Variants in CEP63 observed in about 807,000 individuals in gnomAD.
CEP63 encodes centrosomal protein 63.
CEP63 carries 84 observed loss-of-function variants against 89.1 expected under a neutral mutation model. The ratio of observed to expected loss-of-function variants is 0.94; its 90% CI spans 0.79 to 1.13. CEP63 has a LOEUF of 1.13. Ranked by LOEUF, CEP63 falls within the 50% of genes most tolerant of loss-of-function variation. The pLI, the probability that CEP63 is intolerant of heterozygous loss-of-function variation, is 0.00. For missense variants in CEP63, 838 were observed against 813.3 expected (o/e 1.03, Z -0.37); for synonymous variants, 267 against 272.5 (o/e 0.98, Z 0.20).
chr3:134,555,347 A>G (rs1355954416), intron 12 of CEP63, among the ~76,000 whole-genome samples: 2 of 152,286 alleles, frequency 1.3e-5, no homozygotes, highest in East Asian at 3.9e-4. Flanking sequence ...CTCTTTGCAG[A>G]CGACATGATT....
the CEP63 span, among the ~76,000 whole-genome samples, chr3:134,594,505 A>T: frequency 6.6e-6 from 1 of 151,682 alleles, no homozygotes; most frequent in Non-Finnish European, 1.5e-5. Flanking sequence ...GAAGAACGGC[A>T]CTCCTCCCAT....
the CEP63 span, among the ~76,000 whole-genome samples, chr3:134,763,252 C>T: frequency 2.6e-5 from 4 of 152,140 alleles, no homozygotes; most frequent in South Asian, 8.3e-4. Context: ...CACAACAGGC[C>T]CCAGTGTGTG....
chr3:134,690,106 T>C, the CEP63 span, among the ~76,000 whole-genome samples: 1 of 152,238 alleles, frequency 6.6e-6, no homozygotes, highest in East Asian at 1.9e-4. Flanking sequence ...CACAAATCTT[T>C]CTATGTAATA....
At chr3:134,529,432 C>G (rs1195019812) in intron 3 of CEP63, among the ~76,000 whole-genome samples, 4 of 149,660 alleles carry the variant, frequency 2.7e-5, no homozygotes, top group Non-Finnish European at 4.4e-5. Context: ...CCTCCACCTC[C>G]TGGGTTCAAG....
intron 2 of CEP63, among the ~76,000 whole-genome samples, chr3:134,504,764 C>A (rs1385063892): frequency 6.6e-6 from 1 of 152,084 alleles, no homozygotes; most frequent in Non-Finnish European, 1.5e-5. Context: ...TTTATGGTCT[C>A]CCATATGCCA....
Position 134,564,497 on chromosome 3 carries a change from T to G in CEP63, c.*2962T>G. The G allele has an allele frequency of 1.0e-6, 1 of 985,474 alleles. No individual in the cohort carries two copies. Among genetic ancestry groups the G allele is most frequent in the Non-Finnish European group, 1.2e-6 (1 of 829,964 alleles). 61.0% of individuals were successfully genotyped at this position (985,474 alleles called of 1,614,324 possible). A position where few individuals can be genotyped will look rare whatever the true frequency, so the allele number is the denominator to read the frequency against. On this transcript the variant is annotated 3_prime_UTR_variant, in exon 15 of 15. Coordinates refer to ENST00000675561, the MANE Select transcript of CEP63 (RefSeq NM_001353108.3). ...TTTGCTATCCGCTTTGATTTCTGTC[T>G]TTCAGGGGCTAAGTCCTGCCTACAT...
At chr3:134,494,823 A>G (rs9833753) in intron 1 of CEP63, among the ~76,000 whole-genome samples, 100,188 of 152,016 alleles carry the variant, frequency 0.66, 33,414 homozygotes, top group East Asian at 0.81. Context: ...TGTCTTCAGG[A>G]GTGAGTAGGC....
At chr3:134,640,278 GA>G in the CEP63 span, among the ~76,000 whole-genome samples, 1 of 152,212 alleles carries the variant, frequency 6.6e-6, no homozygotes, top group Admixed American at 6.5e-5. Flanking sequence ...GTCCTGTATG[GA>G]AGAGACAGTA....
At chr3:134,530,977 T>C (rs1384032371) in intron 3 of CEP63, among the ~76,000 whole-genome samples, 1 of 152,196 alleles carries the variant, frequency 6.6e-6, no homozygotes, top group Non-Finnish European at 1.5e-5. Context: ...GCTGGATACT[T>C]GTGGAGGTGA....
intron 6 of CEP63, among the ~76,000 whole-genome samples, chr3:134,538,689 A>AT (rs1210706788): frequency 1.3e-5 from 2 of 151,112 alleles, no homozygotes; most frequent in Non-Finnish European, 3.0e-5. Context: ...AAGTGCTGGG[A>AT]TTACAGGTGT....
At chr3:134,690,283 A>T in the CEP63 span, among the ~76,000 whole-genome samples, 1 of 152,242 alleles carries the variant, frequency 6.6e-6, no homozygotes, top group Non-Finnish European at 1.5e-5. Context: ...TACAAAATAC[A>T]AGCCTAACTT....
At chr3:134,593,712 C>T in the CEP63 span, among the ~76,000 whole-genome samples, 2 of 152,244 alleles carry the variant, frequency 1.3e-5, no homozygotes, top group East Asian at 1.9e-4. Flanking sequence ...TTCAGTCTAA[C>T]AGGGGACCAG....
chr3:134,594,153 C>T, the CEP63 span, among the ~76,000 whole-genome samples: 2 of 152,260 alleles, frequency 1.3e-5, no homozygotes, highest in African/African-American at 4.8e-5. Context: ...GTAATCCCAC[C>T]GTCATTTTGT....
the CEP63 span, among the ~76,000 whole-genome samples, chr3:134,722,908 A>T: frequency 3.1e-4 from 47 of 152,344 alleles, no homozygotes; most frequent in African/African-American, 1.1e-3. Context: ...GGATAAAAAC[A>T]GTGGAGCAGA....
At chr3:134,644,464 A>G in the CEP63 span, among the ~76,000 whole-genome samples, 6 of 151,594 alleles carry the variant, frequency 4.0e-5, no homozygotes, top group African/African-American at 7.3e-5. Flanking sequence ...CTGCCCTTGA[A>G]CCTCTGCTTC....
intron 5 of CEP63, chr3:134,535,945 T>G (rs1950691268): frequency 6.6e-6 from 1 of 152,224 alleles, no homozygotes; most frequent in African/African-American, 2.4e-5. Flanking sequence ...CCCAGTTATC[T>G]CTCTTACCTT....
the CEP63 span, among the ~76,000 whole-genome samples, chr3:134,768,262 G>T: frequency 6.6e-6 from 1 of 152,130 alleles, no homozygotes; most frequent in Non-Finnish European, 1.5e-5. Flanking sequence ...TGGACTAAAG[G>T]CAGTGAGCCT....
intron 11 of CEP63, among the ~76,000 whole-genome samples, chr3:134,572,427 C>T (rs1035313235): frequency 2.0e-5 from 3 of 152,104 alleles, no homozygotes; most frequent in African/African-American, 7.2e-5. Flanking sequence ...CTCTTTCTAT[C>T]CCCAGTGTCT....
the CEP63 span, among the ~76,000 whole-genome samples, chr3:134,734,642 C>T: frequency 6.6e-6 from 1 of 152,124 alleles, no homozygotes; most frequent in African/African-American, 2.4e-5. Flanking sequence ...GAAAATGGCA[C>T]TCACCAATAC....
Sources: allele counts gnomAD v4.1 joint callset (sites outside exome capture counted in the v4.1 genomes callset), GRCh38; gene constraint gnomAD v4.1.1; transcripts MANE v1.5; gene names NCBI Gene and HGNC (gene_info 2026-07-23, HGNC 2026-07-21).